WDFY2: variants seen among roughly 807,000 people sequenced by gnomAD.
The protein encoded by WDFY2 is WD repeat and FYVE domain containing 2.
Under a neutral mutation model 56.4 loss-of-function variants are expected in WDFY2, and 36 were observed. The ratio of observed to expected loss-of-function variants is 0.64; its 90% CI spans 0.49 to 0.84. The LOEUF is 0.84. Among genes scored for constraint, WDFY2 ranks in the 40% least tolerant of loss-of-function variants. WDFY2 has a pLI of 0.00. For synonymous variants in WDFY2, 176 were observed against 183.7 expected, an observed-to-expected ratio of 0.96 and a Z score of 0.34; for missense variants, 444 against 512.2, an observed-to-expected ratio of 0.87 and a Z score of 1.29.
intron 4 of WDFY2, among the ~76,000 whole-genome samples, chr13:51,711,800 G>C (rs1431080885): frequency 6.6e-6 from 1 of 152,182 alleles, no homozygotes; most frequent in African/African-American, 2.4e-5. Context: ...ACAGGTGCTG[G>C]AGAGGATGTG....
chr13:51,732,106 G>A (rs1018575576), intron 6 of WDFY2, among the ~76,000 whole-genome samples: 2 of 152,100 alleles, frequency 1.3e-5, no homozygotes, highest in African/African-American at 2.4e-5. Flanking sequence ...TGAAAAAGTC[G>A]TAAAGTAACT....
In WDFY2 at chr13:51,739,112, ACT is replaced by A; in HGVS notation, c.665_666del (p.Ser222CysfsTer41). The A allele has an allele frequency of 6.2e-7, 1 of 1,601,644 alleles. No individual in the cohort carries two copies. Among genetic ancestry groups the A allele is most frequent in the Non-Finnish European group, 8.5e-7 (1 of 1,174,350 alleles). On this transcript the variant is annotated frameshift_variant, in exon 7 of 12. Coordinates refer to ENST00000298125, the MANE Select transcript of WDFY2 (RefSeq NM_052950.4). LOFTEE classifies it high-confidence loss of function. The stretch of plus-strand genomic sequence containing the variant: ...GTGTTGTTCTCAGGCAGTTCAGATC[ACT>A]CTGTCATCATGTGGGACATCGGTGG...
intron 1 of WDFY2, among the ~76,000 whole-genome samples, chr13:51,603,585 C>T (rs959873115): frequency 2.6e-5 from 4 of 152,060 alleles, no homozygotes; most frequent in South Asian, 2.1e-4. Flanking sequence ...GAAATTTGCC[C>T]GCAATTTAAA....
intron 1 of WDFY2, among the ~76,000 whole-genome samples, chr13:51,608,666 G>A (rs778522317): frequency 3.9e-5 from 6 of 152,162 alleles, no homozygotes; most frequent in Non-Finnish European, 7.3e-5. Context: ...GGGTGACAGA[G>A]CGAGACTGTC....
chr13:51,606,675 G>C (rs116758826), intron 1 of WDFY2, among the ~76,000 whole-genome samples: 2,402 of 152,098 alleles, frequency 0.016, 63 homozygotes, highest in African/African-American at 0.054. Context: ...ATTTAGAATT[G>C]TATTAGTTAA....
At chr13:51,733,277 T>G (rs572120469) in intron 6 of WDFY2, among the ~76,000 whole-genome samples, 1 of 152,296 alleles carries the variant, frequency 6.6e-6, no homozygotes, top group African/African-American at 2.4e-5. Flanking sequence ...CTTCAGGTGA[T>G]CCGCCCACTT....
chr13:51,691,396 G>GT (rs1956152303), intron 3 of WDFY2, among the ~76,000 whole-genome samples: 1 of 150,146 alleles, frequency 6.7e-6, no homozygotes, highest in South Asian at 2.1e-4. Flanking sequence ...AAGGGATCCA[G>GT]TTTCAGCTTT....
In WDFY2 at chr13:51,762,021, T is replaced by A. The variant is rs965988901; in HGVS notation, c.*2252T>A. 6.6e-6 allele frequency: 1 copy of A among 152,244 alleles called. No individual in the cohort carries two copies. Among genetic ancestry groups the A allele is most frequent in the African/African-American group, 2.4e-5 (1 of 41,462 alleles). The allele number at this position is 152,244 out of a possible 1,614,324, so 9.4% of individuals were successfully genotyped here. On this transcript the variant is annotated 3_prime_UTR_variant, in exon 12 of 12. Transcript: ENST00000298125. ...AGAACTTTAACAAGGGAATTAAATT[T>A]AAAATATTCAAATATCTATTTTGTA...
intron 1 of WDFY2, among the ~76,000 whole-genome samples, chr13:51,642,644 A>G (rs1254109023): frequency 6.8e-6 from 1 of 146,276 alleles, no homozygotes; most frequent in Non-Finnish European, 1.5e-5. Context: ...ACTTTTATAA[A>G]CCTGCTTCGT....
intron 1 of WDFY2, among the ~76,000 whole-genome samples, chr13:51,627,626 C>T (rs764278829): frequency 1.4e-4 from 22 of 152,054 alleles, no homozygotes; most frequent in South Asian, 2.1e-4. Flanking sequence ...TCAGGTGGTC[C>T]GCCCGCTTTG....
chr13:51,751,234 A>C, intron 7 of WDFY2, 76 bp from the exon 8 acceptor site: 1 of 1,457,922 alleles, frequency 6.9e-7, no homozygotes, highest in South Asian at 1.3e-5. Flanking sequence ...ACATTGGCTG[A>C]CTTTGCCAAG....
Position 51,761,805 on chromosome 13 carries a change from A to T in WDFY2, c.*2036A>T, listed in dbSNP as rs1300801331. ...CATGTGCCCCATGCAGCCACGGTAC[A>T]TGGAAGCTGTCACTTGAGCCATCAG... is the stretch of plus-strand genomic sequence containing the variant. On this transcript the variant is annotated 3_prime_UTR_variant, in exon 12 of 12. Transcript: ENST00000298125. The T allele has an allele frequency of 1.3e-5, 2 of 152,204 alleles. No individual in the cohort carries two copies. The highest frequency in any genetic ancestry group is 2.9e-5 in the Non-Finnish European group (2 of 68,066). The allele number at this position is 152,204 out of a possible 1,614,324, so 9.4% of individuals were successfully genotyped here.
chr13:51,586,809 G>T (rs1438159477), intron 1 of WDFY2: 1 of 151,998 alleles, frequency 6.6e-6, no homozygotes, highest in Admixed American at 6.6e-5. Context: ...GTTAAATAAG[G>T]TTCACCCATA....
At chr13:51,682,271 T>C (rs1955991450) in intron 3 of WDFY2, among the ~76,000 whole-genome samples, 2 of 152,210 alleles carry the variant, frequency 1.3e-5, no homozygotes, top group South Asian at 4.1e-4. Context: ...GAGAGTATTA[T>C]GTTCCAAGTT....
chr13:51,730,986 AAAG>A (rs1952710553), intron 6 of WDFY2, among the ~76,000 whole-genome samples: 1 of 152,214 alleles, frequency 6.6e-6, no homozygotes, highest in Admixed American at 6.5e-5. Flanking sequence ...AGTTTGAAGC[AAAG>A]AAGGTAACCT....
chr13:51,697,554 G>T (rs948270565), intron 3 of WDFY2, among the ~76,000 whole-genome samples: 1 of 151,416 alleles, frequency 6.6e-6, no homozygotes, highest in African/African-American at 2.4e-5. Flanking sequence ...GATCATTTGA[G>T]CTTAGGAGGT....
intron 3 of WDFY2, among the ~76,000 whole-genome samples, chr13:51,676,644 A>T (rs1337266381): frequency 6.6e-6 from 1 of 152,196 alleles, no homozygotes; most frequent in Non-Finnish European, 1.5e-5. Flanking sequence ...TATTAACAAT[A>T]TTGTTAAATA....
intron 5 of WDFY2, among the ~76,000 whole-genome samples, chr13:51,726,345 CT>C (rs1357800923): frequency 6.6e-6 from 1 of 152,132 alleles, no homozygotes; most frequent in Non-Finnish European, 1.5e-5. Flanking sequence ...CAGTAAGTCC[CT>C]TATTGATAGA....
chr13:51,651,881 T>C (rs1019998615), intron 1 of WDFY2, among the ~76,000 whole-genome samples: 5 of 152,168 alleles, frequency 3.3e-5, no homozygotes, highest in African/African-American at 9.7e-5. Flanking sequence ...ATTCTGTTGA[T>C]TTGGGGTAGA....
Sources: gnomAD v4.1 joint callset for allele counts (sites outside exome capture counted in the v4.1 genomes callset) on GRCh38, gnomAD v4.1.1 for gene constraint, MANE v1.5 for transcripts, NCBI Gene and HGNC (gene_info 2026-07-23, HGNC 2026-07-21) for gene names.